Variants in TTLL1 observed in about 807,000 individuals in gnomAD.
TTLL1 encodes TTL family tubulin polyglutamylase complex subunit L1, also known as polyglutamylase complex subunit TTLL1.
TTLL1 carries 33 observed loss-of-function variants against 47.8 expected under a neutral mutation model. That is an observed-to-expected ratio of 0.69 (90% CI 0.52 to 0.92). The LOEUF is 0.92. Ranked by LOEUF, TTLL1 falls within the 40% of genes least tolerant of loss-of-function variation. The pLI is 0.00. For missense variants in TTLL1, 488 were observed against 547.5 expected (o/e 0.89, Z 1.08); for synonymous variants, 225 against 214.1 (o/e 1.05, Z -0.45).
intron 1 of TTLL1, among the ~76,000 whole-genome samples, chr22:43,084,957 GCCA>G (rs1929133343): frequency 1.6e-5 from 2 of 126,510 alleles, no homozygotes; most frequent in African/African-American, 2.8e-5. Flanking sequence ...AACAAAAGCT[GCCA>G]CCTTTTTTTT....
At chr22:43,059,842 A>T (rs916855256) in intron 7 of TTLL1, among the ~76,000 whole-genome samples, 1 of 152,050 alleles carries the variant, frequency 6.6e-6, no homozygotes, top group Non-Finnish European at 1.5e-5. Flanking sequence ...GGCATGTGCC[A>T]CTATGCCTGG....
chr22:43,048,914 G>C (rs563717328), intron 9 of TTLL1, among the ~76,000 whole-genome samples: 2 of 152,164 alleles, frequency 1.3e-5, no homozygotes, highest in East Asian at 3.9e-4. Flanking sequence ...TCCAGCCTGG[G>C]TGACAGAGCA....
At chr22:43,051,934 G>A (rs779499865) in intron 8 of TTLL1, 47 bp from the exon 9 acceptor site, 20 of 1,581,934 alleles carry the variant, frequency 1.3e-5, no homozygotes, top group Admixed American at 5.0e-5. Flanking sequence ...ATCGAAGGGC[G>A]CAGCCGAGAC....
chr22:43,072,355 T>C (rs972588214), intron 3 of TTLL1, among the ~76,000 whole-genome samples: 6 of 152,016 alleles, frequency 3.9e-5, no homozygotes, highest in Admixed American at 3.3e-4. Flanking sequence ...GAGGTTTCAC[T>C]GTGTTAGCCT....
chr22:43,071,597 A>G (rs369562796), intron 3 of TTLL1, among the ~76,000 whole-genome samples: 31 of 152,052 alleles, frequency 2.0e-4, no homozygotes, highest in African/African-American at 7.5e-4. Flanking sequence ...TTTAGTAGAG[A>G]CGGGGTTTTG....
In TTLL1 at chr22:43,058,737, C is replaced by T. The variant is rs1041056491; in HGVS notation, c.891+647G>A. Among the ~76,000 whole-genome samples, 6 of 152,162 alleles carry T rather than the reference C, an allele frequency of 3.9e-5. 2 individuals carry two copies. Among genetic ancestry groups the T allele is most frequent in the African/African-American group, 2.4e-5 (1 of 41,540 alleles). ...GAGACAGAGTTTCGCTCCTGTTGCC[C>T]AGGCTGGAGTGCAATGGCGCGATCG... On this transcript the variant is annotated intron_variant, in intron 8 of 10. Coordinates refer to ENST00000266254, the MANE Select transcript of TTLL1 (RefSeq NM_012263.5).
Position 43,069,629 on chromosome 22 carries a change from C to T in TTLL1, c.322+7G>A. On this transcript the variant is annotated splice_region_variant and intron_variant, in intron 4 of 10. Transcript: ENST00000266254. Reference sequence around the variant, plus strand: ...TGAAAACATGAGCCGGTGGAAGACGCACAAACCCAGATAGAGGTATTTTCC... The same window carrying T: ...TGAAAACATGAGCCGGTGGAAGACGTACAAACCCAGATAGAGGTATTTTCC... 2.5e-6 allele frequency: 4 copies of T among 1,614,124 alleles called. No individual in the cohort carries two copies. Among genetic ancestry groups the T allele is most frequent in the Non-Finnish European group, 3.4e-6 (4 of 1,180,032 alleles).
At chr22:43,086,509 A>ACT (rs2146998222) in intron 1 of TTLL1, among the ~76,000 whole-genome samples, 1 of 152,198 alleles carries the variant, frequency 6.6e-6, no homozygotes, top group Admixed American at 6.6e-5. Flanking sequence ...ATCCACCCAC[A>ACT]CAGCCCTGAC....
chr22:43,041,545 T>TTTTTTTA (rs3047280), intron 10 of TTLL1, among the ~76,000 whole-genome samples: 1 of 151,154 alleles, frequency 6.6e-6, no homozygotes, highest in East Asian at 1.9e-4. Flanking sequence ...TTTTTTTTTT[T>TTTTTTTA]AAACGGTCAC....
intron 10 of TTLL1, among the ~76,000 whole-genome samples, chr22:43,044,142 GC>G (rs1052217683): frequency 6.6e-6 from 1 of 150,510 alleles, no homozygotes; most frequent in Non-Finnish European, 1.5e-5. Flanking sequence ...TGTCCCCGCT[GC>G]CCTCTGTCTT....
intron 8 of TTLL1, among the ~76,000 whole-genome samples, chr22:43,058,983 G>A (rs1010473583): frequency 4.0e-5 from 6 of 149,694 alleles, no homozygotes; most frequent in Admixed American, 3.3e-4. Flanking sequence ...GTTAACCAAC[G>A]CGCCCAGCCT....
chr22:43,072,952 TTC>T (rs1928224451), intron 3 of TTLL1, among the ~76,000 whole-genome samples: 1 of 152,222 alleles, frequency 6.6e-6, no homozygotes. Flanking sequence ...TGGGGTATTT[TTC>T]TGTTTGCAGT....
intron 1 of TTLL1, among the ~76,000 whole-genome samples, chr22:43,083,988 T>C (rs772681097): frequency 3.3e-5 from 5 of 152,208 alleles, no homozygotes; most frequent in Non-Finnish European, 7.3e-5. Context: ...TCCTTGACAT[T>C]ATTTACTAAT....
In TTLL1 at chr22:43,069,661, A is replaced by C. The variant is rs776858580; in HGVS notation, c.297T>G (p.Asp99Glu). The C allele has an allele frequency of 1.9e-6, 3 of 1,614,156 alleles. No individual in the cohort carries two copies. Among genetic ancestry groups the C allele is most frequent in the Non-Finnish European group, 2.5e-6 (3 of 1,180,014 alleles). ...EKEGSPLAEK[D>E]ENGKYLYLDF... ...CCAGATAGAGGTATTTTCCATTTTC[A>C]TCTTTTTCTGCCAGAGGACTCCCTT... Residue 99 changes from aspartate (D) to glutamate (E), a missense_variant, in exon 4 of 11, where the codon GAT becomes GAG. Physicochemically the swap from Asp to Glu is conservative, Grantham distance 45. Coordinates refer to ENST00000266254, the MANE Select transcript of TTLL1 (RefSeq NM_012263.5).
chr22:43,052,573 T>C (rs1475447051), intron 8 of TTLL1, among the ~76,000 whole-genome samples: 1 of 150,772 alleles, frequency 6.6e-6, no homozygotes, highest in Non-Finnish European at 1.5e-5. Context: ...GACCCCCGCC[T>C]CTACAAAAAA....
chr22:43,045,662 G>C (rs1926066258), intron 10 of TTLL1, among the ~76,000 whole-genome samples: 1 of 151,960 alleles, frequency 6.6e-6, no homozygotes, highest in South Asian at 2.1e-4. Context: ...GTTGCACTGA[G>C]TTCCTCCCTG....
intron 10 of TTLL1, among the ~76,000 whole-genome samples, chr22:43,045,067 T>C (rs1229990610): frequency 6.6e-6 from 1 of 152,186 alleles, no homozygotes; most frequent in Non-Finnish European, 1.5e-5. Flanking sequence ...TTCACCATGT[T>C]GGTCAGGCTG....
intron 2 of TTLL1, among the ~76,000 whole-genome samples, chr22:43,077,656 C>T (rs5759143): frequency 0.48 from 73,600 of 151,912 alleles, 18,058 homozygotes; most frequent in African/African-American, 0.52. Flanking sequence ...GGACCTCGGT[C>T]TGCTCTGAAA....
chr22:43,043,324 C>A (rs1925849818), intron 10 of TTLL1, among the ~76,000 whole-genome samples: 1 of 152,098 alleles, frequency 6.6e-6, no homozygotes, highest in Non-Finnish European at 1.5e-5. Context: ...AGAGGCTCTA[C>A]ACGCTCCCAA....
Sources: gnomAD v4.1 joint callset for allele counts (sites outside exome capture counted in the v4.1 genomes callset) on GRCh38, gnomAD v4.1.1 for gene constraint, MANE v1.5 for transcripts, NCBI Gene and HGNC (gene_info 2026-07-23, HGNC 2026-07-21) for gene names.